Variants in SCRG1 observed in about 807,000 individuals in gnomAD.
SCRG1 encodes the protein scrapie-responsive protein 1.
In SCRG1, 3 loss-of-function variants were observed where a neutral mutation model predicts 7.7. The observed-to-expected ratio is 0.39, with a 90% CI of 0.18 to 1.01. The LOEUF is 1.01. SCRG1 is among the 50% of genes least tolerant of loss of function. The probability of loss-of-function intolerance (pLI) is 0.36; values close to 1 mark genes in which losing one functional copy is unlikely to be tolerated. For missense variants in SCRG1, 110 were observed against 117.2 expected, an observed-to-expected ratio of 0.94 and a Z score of 0.28; for synonymous variants, 46 against 41.2, an observed-to-expected ratio of 1.12 and a Z score of -0.44.
the SCRG1 span, among the ~76,000 whole-genome samples, chr4:173,500,175 T>C: frequency 6.6e-6 from 1 of 152,158 alleles, no homozygotes; most frequent in Non-Finnish European, 1.5e-5. Context: ...AGTTCGGAAG[T>C]AAGTACTTTC....
At chr4:173,504,916 A>G in the SCRG1 span, among the ~76,000 whole-genome samples, 1 of 152,206 alleles carries the variant, frequency 6.6e-6, no homozygotes, top group African/African-American at 2.4e-5. The surrounding 1 kb of genome is among the most constrained non-coding windows in gnomAD (Gnocchi z 4.7). Context: ...GGAGAGAGAA[A>G]TGCATGAATG....
At chr4:173,504,709 C>A in the SCRG1 span, among the ~76,000 whole-genome samples, 12 of 152,172 alleles carry the variant, frequency 7.9e-5, no homozygotes, top group African/African-American at 2.9e-4. The surrounding 1 kb of genome is among the most constrained non-coding windows in gnomAD (Gnocchi z 4.7). Flanking sequence ...ACTGGAGTCC[C>A]TGCCAGGAGA....
the SCRG1 span, among the ~76,000 whole-genome samples, chr4:173,516,844 C>T: frequency 6.6e-6 from 1 of 152,232 alleles, no homozygotes. Flanking sequence ...CCAGTTCTTC[C>T]CCGCATAGTT....
At chr4:173,479,233 A>G in the SCRG1 span, among the ~76,000 whole-genome samples, 1 of 152,178 alleles carries the variant, frequency 6.6e-6, no homozygotes, top group Non-Finnish European at 1.5e-5. Flanking sequence ...GAGTCCAAGC[A>G]TGCATGACTA....
the SCRG1 span, among the ~76,000 whole-genome samples, chr4:173,436,488 C>T: frequency 1.3e-5 from 2 of 152,180 alleles, no homozygotes; most frequent in African/African-American, 4.8e-5. Flanking sequence ...AGCCTTTTAC[C>T]TCCAGCCGGG....
At chr4:173,516,816 C>T in the SCRG1 span, among the ~76,000 whole-genome samples, 2 of 152,226 alleles carry the variant, frequency 1.3e-5, no homozygotes, top group Non-Finnish European at 2.9e-5. Flanking sequence ...ACCGCGGCGC[C>T]GAGGGGGCCA....
intron 1 of SCRG1, among the ~76,000 whole-genome samples, chr4:173,394,487 AC>A (rs1378771343): frequency 6.6e-6 from 1 of 152,136 alleles, no homozygotes; most frequent in African/African-American, 2.4e-5. Flanking sequence ...TACTAAAAAT[AC>A]AAAAAATTAG....
chr4:173,395,725 C>T (rs1169627181), intron 1 of SCRG1, among the ~76,000 whole-genome samples: 1 of 152,128 alleles, frequency 6.6e-6, no homozygotes, highest in Non-Finnish European at 1.5e-5. Context: ...TAAATAATGC[C>T]TTGTCATTGT....
the SCRG1 span, among the ~76,000 whole-genome samples, chr4:173,423,151 A>G: frequency 1.3e-5 from 2 of 152,212 alleles, no homozygotes; most frequent in Non-Finnish European, 2.9e-5. Flanking sequence ...TACTAAGTGT[A>G]CATTTTCTTA....
At chr4:173,511,484 CTTTA>C in the SCRG1 span, among the ~76,000 whole-genome samples, 3 of 151,986 alleles carry the variant, frequency 2.0e-5, no homozygotes, top group African/African-American at 7.2e-5. The surrounding 1 kb of genome is among the most constrained non-coding windows in gnomAD (Gnocchi z 5.2). Context: ...GCAACTTTCT[CTTTA>C]TTTATGCCTT....
chr4:173,440,853 T>A, the SCRG1 span, among the ~76,000 whole-genome samples: 4 of 152,226 alleles, frequency 2.6e-5, no homozygotes. Context: ...GATGCATCAC[T>A]CCAATCTCTA....
the SCRG1 span, among the ~76,000 whole-genome samples, chr4:173,514,885 G>T: frequency 2.6e-5 from 4 of 152,266 alleles, no homozygotes; most frequent in East Asian, 7.7e-4. Context: ...TTGTTTAAAG[G>T]TATGCTATAT....
upstream of SCRG1, among the ~76,000 whole-genome samples, chr4:173,400,144 T>C (rs1490810591): frequency 1.3e-5 from 2 of 152,170 alleles, no homozygotes; most frequent in Non-Finnish European, 2.9e-5. Context: ...GAAGGATGGT[T>C]TCCTGGGAGG....
chr4:173,389,593 A>G, intron 2 of SCRG1: 1 of 185,336 alleles, frequency 5.4e-6, no homozygotes, highest in South Asian at 1.1e-4. Flanking sequence ...GCTGGGTCCT[A>G]CCTCCAGAGT....
intron 1 of SCRG1, among the ~76,000 whole-genome samples, chr4:173,397,634 T>G (rs557612464): frequency 5.3e-5 from 8 of 152,192 alleles, no homozygotes; most frequent in Admixed American, 1.3e-4. Flanking sequence ...GAGTTGCAAA[T>G]TTTGATTCTG....
At chr4:173,484,737 C>CATATTATATATTATATGCATATAATAT in the SCRG1 span, among the ~76,000 whole-genome samples, 2 of 82,632 alleles carry the variant, frequency 2.4e-5, no homozygotes, top group Non-Finnish European at 2.0e-5. Flanking sequence ...GCATATAATA[C>CATATTATATATTATATGCATATAATAT]ATATTATATA....
At chr4:173,423,040 AT>A in the SCRG1 span, among the ~76,000 whole-genome samples, 1 of 152,170 alleles carries the variant, frequency 6.6e-6, no homozygotes, top group African/African-American at 2.4e-5. Flanking sequence ...GACTTCGGTG[AT>A]TCACGATTCA....
the SCRG1 span, among the ~76,000 whole-genome samples, chr4:173,466,887 T>C: frequency 6.6e-6 from 1 of 152,202 alleles, no homozygotes; most frequent in East Asian, 1.9e-4. Context: ...ATGTCAATAT[T>C]CTATTTGACT....
chr4:173,385,966 A>G lies in SCRG1; in HGVS notation c.*2375T>C, dbSNP rs1368070614. 6.6e-6 allele frequency: 1 copy of G among 152,178 alleles called. No individual in the cohort carries two copies. Among genetic ancestry groups the G allele is most frequent in the African/African-American group, 2.4e-5 (1 of 41,438 alleles). 9.4% of individuals were successfully genotyped at this position (152,178 alleles called of 1,614,324 possible). ...TTCATTATTGAGTTAGGCTGATTTC[A>G]TTACCAGTCAATTCAGTGAAGAAAG... is the stretch of plus-strand genomic sequence containing the variant. On this transcript the variant is annotated 3_prime_UTR_variant, in exon 3 of 3. Transcript: ENST00000296506.
Sources: gnomAD v4.1 joint callset for allele counts (sites outside exome capture counted in the v4.1 genomes callset) on GRCh38, gnomAD v4.1.1 for gene constraint, Gnocchi (gnomAD v3.1) non-coding constraint, MANE v1.5 for transcripts, NCBI Gene and HGNC (gene_info 2026-07-23, HGNC 2026-07-21) for gene names.